LNX1: variants seen among roughly 807,000 people sequenced by gnomAD.
The protein encoded by LNX1 is ligand of numb-protein X 1.
A neutral mutation model predicts 68.4 loss-of-function variants in LNX1; 54 were observed. The ratio of observed to expected loss-of-function variants is 0.79; its 90% CI spans 0.63 to 0.99. The LOEUF (loss-of-function observed/expected upper bound fraction) is 0.99, where lower values mean the gene tolerates loss of function less well. LNX1 is among the 50% of genes least tolerant of loss of function. LNX1 has a pLI of 0.00. For synonymous variants in LNX1, 336 were observed against 350.0 expected (o/e 0.96, Z 0.45); for missense variants, 906 against 926.4 (o/e 0.98, Z 0.29).
intron 2 of LNX1, among the ~76,000 whole-genome samples, chr4:53,522,047 G>C (rs187779204): frequency 6.6e-6 from 1 of 151,958 alleles, no homozygotes; most frequent in Non-Finnish European, 1.5e-5. Flanking sequence ...CTTCCATCTC[G>C]ATCTCCCAAC....
chr4:53,462,952 G>A (rs1333584172), intron 9 of LNX1, among the ~76,000 whole-genome samples: 1 of 152,116 alleles, frequency 6.6e-6, no homozygotes, highest in East Asian at 1.9e-4. Flanking sequence ...GTACAAAGCA[G>A]GTAACTGGCT....
chr4:53,647,540 C>G (rs535399817), intron 1 of LNX1, among the ~76,000 whole-genome samples: 2 of 152,238 alleles, frequency 1.3e-5, no homozygotes, highest in East Asian at 1.9e-4. Context: ...CTGCTATTTT[C>G]CCAAGAATCA....
At chr4:53,575,936 C>G in intron 1 of LNX1, 1 of 1,567,056 alleles carries the variant, frequency 6.4e-7, no homozygotes, top group Non-Finnish European at 8.6e-7. Context: ...GGGGTCAGCA[C>G]CAACCTGCCG....
chr4:53,529,102 AACAC>A (rs201017055), intron 2 of LNX1, among the ~76,000 whole-genome samples: 12,936 of 138,378 alleles, frequency 0.093, 537 homozygotes, highest in Middle Eastern at 0.1. Context: ...AGTCCTGACC[AACAC>A]ACACACACAC....
intron 2 of LNX1, among the ~76,000 whole-genome samples, chr4:53,538,738 T>C (rs1193165126): frequency 1.3e-5 from 2 of 152,212 alleles, no homozygotes; most frequent in African/African-American, 4.8e-5. Flanking sequence ...CTGGGGATGC[T>C]GCACAAAGAT....
intron 9 of LNX1, among the ~76,000 whole-genome samples, chr4:53,470,858 G>A (rs528589633): frequency 6.6e-6 from 1 of 152,004 alleles, no homozygotes; most frequent in African/African-American, 2.4e-5. Context: ...ACAAATGGAA[G>A]AACATTCCAT....
At chr4:53,588,722 G>T (rs1352630367) in intron 1 of LNX1, among the ~76,000 whole-genome samples, 2 of 152,128 alleles carry the variant, frequency 1.3e-5, no homozygotes, top group African/African-American at 4.8e-5. Context: ...CATGCAGGGG[G>T]GTTGAGGTTC....
chr4:53,519,762 C>T (rs535140449), intron 2 of LNX1, among the ~76,000 whole-genome samples: 2 of 152,268 alleles, frequency 1.3e-5, no homozygotes, highest in East Asian at 3.9e-4. Flanking sequence ...TTCACAACAA[C>T]CTCATGAGAT....
chr4:53,459,502 CTTG>C lies in LNX1; in HGVS notation c.*1402_*1404del, dbSNP rs767202241. ...AGTACCAGAAGTAGATACTATAAAT[CTTG>C]TTATTTTTCTGGATAATGTTTAAGA... is the stretch of plus-strand genomic sequence containing the variant. On this transcript the variant is annotated 3_prime_UTR_variant, in exon 11 of 11. Coordinates refer to ENST00000263925, the MANE Select transcript of LNX1 (RefSeq NM_001126328.3). 26 of 1,607,822 alleles carry C rather than the reference CTTG, an allele frequency of 1.6e-5. No individual in the cohort carries two copies. The highest frequency in any genetic ancestry group is 2.0e-5 in the Non-Finnish European group (24 of 1,176,354).
At chr4:53,516,216 T>C (rs1726771801) in intron 2 of LNX1, among the ~76,000 whole-genome samples, 1 of 152,128 alleles carries the variant, frequency 6.6e-6, no homozygotes, top group African/African-American at 2.4e-5. Context: ...CACTCCAGCC[T>C]GGGCAACAGA....
chr4:53,564,842 G>A (rs751897153), intron 2 of LNX1, among the ~76,000 whole-genome samples: 19 of 152,234 alleles, frequency 1.2e-4, no homozygotes, highest in Non-Finnish European at 2.4e-4. Context: ...GAAGCGCAAG[G>A]AGTCAGGGAG....
At chr4:53,469,097 A>G (rs1722940070) in intron 9 of LNX1, among the ~76,000 whole-genome samples, 1 of 152,116 alleles carries the variant, frequency 6.6e-6, no homozygotes, top group Non-Finnish European at 1.5e-5. Context: ...GAAGTAAAGC[A>G]CTCCTCAGCA....
chr4:53,518,070 C>A (rs1726926020), intron 2 of LNX1, among the ~76,000 whole-genome samples: 1 of 152,146 alleles, frequency 6.6e-6, no homozygotes, highest in Non-Finnish European at 1.5e-5. Context: ...GAACACCAGA[C>A]AGGAAAAATT....
chr4:53,609,373 G>A (rs1206636071), intron 2 of LNX1, among the ~76,000 whole-genome samples: 1 of 151,040 alleles, frequency 6.6e-6, no homozygotes, highest in Non-Finnish European at 1.5e-5. Context: ...AAAGAAAATA[G>A]TACCAGAACA....
At chr4:53,571,025 T>TAA (rs879847801) in intron 2 of LNX1, among the ~76,000 whole-genome samples, 1 of 131,822 alleles carries the variant, frequency 7.6e-6, no homozygotes, top group African/African-American at 2.8e-5. Context: ...AGACTCCGTC[T>TAA]AAAAAAAAAA....
chr4:53,525,554 A>T (rs1727551318), intron 2 of LNX1, among the ~76,000 whole-genome samples: 1 of 152,244 alleles, frequency 6.6e-6, no homozygotes, highest in South Asian at 2.1e-4. Flanking sequence ...AGCAGAGCTT[A>T]GAAATATTTC....
intron 2 of LNX1, among the ~76,000 whole-genome samples, chr4:53,562,229 G>C (rs1299193731): frequency 5.9e-5 from 9 of 152,192 alleles, no homozygotes; most frequent in Non-Finnish European, 1.3e-4. Flanking sequence ...TCTGGGTCAA[G>C]AGAGATGAGC....
chr4:53,584,211 G>A (rs940965028), intron 1 of LNX1, among the ~76,000 whole-genome samples: 8 of 152,096 alleles, frequency 5.3e-5, no homozygotes, highest in African/African-American at 1.9e-4. Flanking sequence ...AGGACAAGAT[G>A]AGGAAAGATA....
chr4:53,648,055 C>T (rs951276495), intron 1 of LNX1, among the ~76,000 whole-genome samples: 2 of 152,224 alleles, frequency 1.3e-5, no homozygotes, highest in Non-Finnish European at 2.9e-5. Context: ...AATAATGCTG[C>T]CATAAATATG....
Sources: gnomAD v4.1 joint callset for allele counts (sites outside exome capture counted in the v4.1 genomes callset) on GRCh38, gnomAD v4.1.1 for gene constraint, MANE v1.5 for transcripts, NCBI Gene and HGNC (gene_info 2026-07-23, HGNC 2026-07-21) for gene names.